PIK3C2G: variants seen among roughly 807,000 people sequenced by gnomAD.
PIK3C2G encodes the protein phosphatidylinositol 3-kinase C2 domain-containing subunit gamma.
Under a neutral mutation model 181.1 loss-of-function variants are expected in PIK3C2G, and 168 were observed. That is an observed-to-expected ratio of 0.93 (90% CI 0.82 to 1.05). The LOEUF (loss-of-function observed/expected upper bound fraction) is 1.05. Among genes scored for constraint, PIK3C2G ranks in the 50% least tolerant of loss-of-function variants. PIK3C2G has a pLI of 0.00. For synonymous variants in PIK3C2G, 573 were observed against 592.2 expected (o/e 0.97, Z 0.47); for missense variants, 1,869 against 1,732.8 (o/e 1.08, Z -1.40).
At chr12:18,277,501 T>C (rs969876697) in intron 1 of PIK3C2G, among the ~76,000 whole-genome samples, 1 of 152,164 alleles carries the variant, frequency 6.6e-6, no homozygotes, top group Non-Finnish European at 1.5e-5. Flanking sequence ...TCCCATGACA[T>C]TTATATAAAT....
chr12:18,692,991 C>T, the PIK3C2G span: 1 of 1,401,972 alleles, frequency 7.1e-7, no homozygotes, highest in Non-Finnish European at 1.0e-6. Context: ...TAAAGACTAT[C>T]TTCTCATGGA....
At chr12:18,668,876 T>C in the PIK3C2G span, among the ~76,000 whole-genome samples, 1 of 152,124 alleles carries the variant, frequency 6.6e-6, no homozygotes, top group Non-Finnish European at 1.5e-5. Flanking sequence ...AAAATTCTGA[T>C]GGATCTTTTT....
At chr12:18,549,416 T>C (rs933069421) in intron 26 of PIK3C2G, among the ~76,000 whole-genome samples, 2 of 152,096 alleles carry the variant, frequency 1.3e-5, no homozygotes, top group Non-Finnish European at 2.9e-5. Flanking sequence ...GCTTCTTGTG[T>C]GTCAAGCCCT....
In PIK3C2G at chr12:18,429,546, G is replaced by A. The variant is rs1368736338; in HGVS notation, c.2504+5507G>A. ...CAAACAGCATACTGTTCATGACTCT[G>A]CCAGACATCATATCACACTCCCTTG... On this transcript the variant is annotated intron_variant, in intron 18 of 32. Coordinates refer to ENST00000538779, the MANE Select transcript of PIK3C2G (RefSeq NM_001288772.2). Among the ~76,000 whole-genome samples, 4 of 152,104 alleles carry A rather than the reference G, an allele frequency of 2.6e-5. No individual in the cohort carries two copies. In the East Asian group the frequency reaches 7.7e-4, roughly 29 times the overall value.
chr12:18,639,193 ACTGT>A (rs1275122312), intron 31 of PIK3C2G, among the ~76,000 whole-genome samples: 1 of 151,936 alleles, frequency 6.6e-6, no homozygotes, highest in Admixed American at 6.6e-5. Flanking sequence ...AAAAACCCAA[ACTGT>A]CTAATGATAT....
chr12:18,305,582 A>G (rs1165411526), intron 5 of PIK3C2G, among the ~76,000 whole-genome samples: 2 of 152,016 alleles, frequency 1.3e-5, no homozygotes, highest in African/African-American at 4.8e-5. Context: ...TCAATTGATA[A>G]AAGTTTAAAT....
At chr12:18,683,683 A>C in the PIK3C2G span, 1 of 1,228,356 alleles carries the variant, frequency 8.1e-7, no homozygotes, top group Non-Finnish European at 1.1e-6. Context: ...CACAGTGTAA[A>C]TCACCCTGGA....
downstream of PIK3C2G, among the ~76,000 whole-genome samples, chr12:18,650,664 A>ATATGTGTGTGTG (rs1491090562): frequency 1.7e-4 from 6 of 35,592 alleles, no homozygotes; most frequent in Admixed American, 3.7e-4. Flanking sequence ...TGGAATATAA[A>ATATGTGTGTGTG]TGTGTGTGTG....
At chr12:18,700,512 C>CAAAAAAAAAAAAAAAAAAAAA in the PIK3C2G span, among the ~76,000 whole-genome samples, 3 of 67,894 alleles carry the variant, frequency 4.4e-5, no homozygotes, top group Non-Finnish European at 7.5e-5. Flanking sequence ...AGCCAACGTA[C>CAAAAAAAAAAAAAAAAAAAAA]AAAAAAAAAA....
At chr12:18,402,170 T>C (rs557725978) in intron 16 of PIK3C2G, among the ~76,000 whole-genome samples, 1 of 152,268 alleles carries the variant, frequency 6.6e-6, no homozygotes, top group African/African-American at 2.4e-5. Flanking sequence ...GATCTATCCA[T>C]ACAACATAAT....
intron 11 of PIK3C2G, among the ~76,000 whole-genome samples, chr12:18,350,130 G>C (rs1352511648): frequency 1.3e-5 from 2 of 152,164 alleles, no homozygotes; most frequent in Non-Finnish European, 2.9e-5. Context: ...AAAGCTAAGT[G>C]CCTGAGGTCA....
intron 14 of PIK3C2G, among the ~76,000 whole-genome samples, chr12:18,385,687 G>C (rs1943123124): frequency 2.0e-5 from 3 of 152,016 alleles, no homozygotes; most frequent in Admixed American, 6.5e-5. Context: ...TCCTGCCTCA[G>C]CCTCCCAAGT....
downstream of PIK3C2G, among the ~76,000 whole-genome samples, chr12:18,652,424 G>T (rs539537134): frequency 6.6e-6 from 1 of 152,126 alleles, no homozygotes; most frequent in African/African-American, 2.4e-5. Flanking sequence ...TGCAAAAGAG[G>T]CATGGCAGAG....
chr12:18,464,961 T>C (rs545445473), intron 18 of PIK3C2G, among the ~76,000 whole-genome samples: 1 of 152,010 alleles, frequency 6.6e-6, no homozygotes, highest in Admixed American at 6.6e-5. Flanking sequence ...CTTTGTTATC[T>C]TATTTTAAAG....
intron 16 of PIK3C2G, among the ~76,000 whole-genome samples, chr12:18,413,047 G>A (rs1040243998): frequency 9.2e-5 from 14 of 152,100 alleles, no homozygotes. Context: ...TGAGTTTTTA[G>A]CCATGTGTCT....
At chr12:18,594,070 A>G (rs77889938) in intron 29 of PIK3C2G, among the ~76,000 whole-genome samples, 1 of 151,862 alleles carries the variant, frequency 6.6e-6, no homozygotes, top group African/African-American at 2.4e-5. Flanking sequence ...TATTCCTAGA[A>G]TTGAACCTTG....
At chr12:18,620,314 C>T (rs1421618070) in intron 31 of PIK3C2G, among the ~76,000 whole-genome samples, 1 of 152,034 alleles carries the variant, frequency 6.6e-6, no homozygotes, top group African/African-American at 2.4e-5. Flanking sequence ...TTAATTAACC[C>T]TGTCATCATT....
At chr12:18,257,289 A>C (rs1948155478), upstream of PIK3C2G, among the ~76,000 whole-genome samples, 1 of 152,186 alleles carries the variant, frequency 6.6e-6, no homozygotes, top group African/African-American at 2.4e-5. Flanking sequence ...GGTTTGATGC[A>C]ATACTGTTAT....
At position 18,648,099 on chromosome 12, in the gene PIK3C2G, ATAAG is replaced by A. The variant is rs2136866725; in HGVS notation, c.*76_*79del. 1 of 914,086 alleles carries A rather than the reference ATAAG, an allele frequency of 1.1e-6. No homozygotes were observed. Among genetic ancestry groups the A allele is most frequent in the Non-Finnish European group, 1.6e-6 (1 of 629,728 alleles). 56.6% of individuals were successfully genotyped at this position (914,086 alleles called of 1,614,324 possible). A position where few individuals can be genotyped will look rare whatever the true frequency, so the allele number is the denominator to read the frequency against. ...TTTCACTTCTGGGCCTCTGAATCACATAAGTAAGGCATCTTTGTTGTCAAAGACA... is the reference window on the plus strand; with the variant it reads ...TTTCACTTCTGGGCCTCTGAATCACATAAGGCATCTTTGTTGTCAAAGACA... On this transcript the variant is annotated 3_prime_UTR_variant, in exon 33 of 33. Coordinates refer to ENST00000538779, the MANE Select transcript of PIK3C2G (RefSeq NM_001288772.2).
Sources: allele counts gnomAD v4.1 joint callset (sites outside exome capture counted in the v4.1 genomes callset), GRCh38; gene constraint gnomAD v4.1.1; transcripts MANE v1.5; gene names NCBI Gene and HGNC (gene_info 2026-07-23, HGNC 2026-07-21).